MUL1: variants seen among roughly 807,000 people sequenced by gnomAD.
MUL1 encodes the protein mitochondrial ubiquitin ligase activator of NFKB 1.
A neutral mutation model predicts 34.1 loss-of-function variants in MUL1; 30 were observed. The ratio of observed to expected loss-of-function variants is 0.88; its 90% CI spans 0.66 to 1.19. The LOEUF (loss-of-function observed/expected upper bound fraction) is 1.19. MUL1 is among the 50% of genes most tolerant of loss of function. The pLI is 0.00. For synonymous variants in MUL1, 191 were observed against 187.8 expected (o/e 1.02, Z -0.14); for missense variants, 419 against 450.5 (o/e 0.93, Z 0.63).
intron 1 of MUL1, 90 bp from the exon 2 acceptor site, chr1:20,503,399 T>C (rs572996795): frequency 1.3e-6 from 1 of 743,162 alleles, no homozygotes; most frequent in South Asian, 1.9e-5. Flanking sequence ...AAAGATTCTA[T>C]TTTTTTCGTG....
rs138851946 is a variant in MUL1 at position 20,500,792 on chromosome 1, G to A, written c.957C>T (p.His319=). 2.1e-5 allele frequency: 34 copies of A among 1,614,138 alleles called. No homozygotes were observed. In the African/African-American group the frequency reaches 3.5e-4, roughly 16 times the overall value. Residue 319 remains histidine, a synonymous_variant, in exon 4 of 4, where the codon CAC becomes CAT. Transcript: ENST00000264198. ...GGTAGCACTCGGTGCAGGAACAAACGTGCCCACACTCCAGAAAGACGCAGG... is the reference window on the plus strand; with the variant it reads ...GGTAGCACTCGGTGCAGGAACAAACATGCCCACACTCCAGAAAGACGCAGG... ...FKSCVFLECG[H]VCSCTECYRA...
chr1:20,503,404 T>C (rs2051684088), intron 1 of MUL1, 95 bp from the exon 2 acceptor site: 3 of 723,148 alleles, frequency 4.1e-6, no homozygotes, highest in Non-Finnish European at 6.7e-6. Flanking sequence ...TTCTATTTTT[T>C]TCGTGTCAAG....
At position 20,507,769 on chromosome 1, in the gene MUL1, G is replaced by T. The variant is rs1451519680; in HGVS notation, c.120+136C>A. 3.1e-6 allele frequency: 4 copies of T among 1,285,530 alleles called. No homozygotes were observed. The African/African-American group carries it at 4.5e-5, about 14-fold the overall frequency. 79.6% of individuals were successfully genotyped at this position (1,285,530 alleles called of 1,614,324 possible). A position where few individuals can be genotyped will look rare whatever the true frequency, so the allele number is the denominator to read the frequency against. ...CTGCCCCTCGCTCCTCCATCTACTG[G>T]CTGGATGACACCCTTCAGAGGCTGT... On this transcript the variant is annotated intron_variant, in intron 1 of 3. Transcript: ENST00000264198.
Position 20,500,932 on chromosome 1 carries a change from T to C in MUL1, c.817A>G (p.Lys273Glu). ...YLQRQERLRL[K>E]QMQEEFQEHE... ...TCCTGGAACTCCTCCTGCATCTGCT[T>C]GAGGCGCAGGCGCTCCTGCCGCTGC... The change falls in exon 4 of 4, where the codon AAG (lysine) becomes GAG (glutamate). Residue 273 changes from lysine to glutamate, a missense_variant. Lys to Glu is a moderately conservative substitution (Grantham distance 56). Coordinates refer to ENST00000264198, the MANE Select transcript of MUL1 (RefSeq NM_024544.3). 2 of 1,614,070 alleles carry C rather than the reference T, an allele frequency of 1.2e-6. No individual in the cohort carries two copies. The highest frequency in any genetic ancestry group is 4.5e-5 in the East Asian group (2 of 44,870).
chr1:20,508,045 G>A lies in MUL1; in HGVS notation c.-21C>T, dbSNP rs200370416. 1.8e-5 allele frequency: 28 copies of A among 1,574,260 alleles called. No homozygotes were observed. The East Asian group carries it at 6.4e-4, about 36-fold the overall frequency. The stretch of plus-strand genomic sequence containing the variant: ...TCCATGACGGCGGCGAGCCCCGGTG[G>A]CCGACTGTGGCGCCAAGGATAGGCC... On this transcript the variant is annotated 5_prime_UTR_variant, in exon 1 of 4. Transcript: ENST00000264198.
chr1:20,504,733 G>A (rs1352563293), intron 1 of MUL1, among the ~76,000 whole-genome samples: 2 of 152,202 alleles, frequency 1.3e-5, no homozygotes, highest in African/African-American at 4.8e-5. Context: ...GGAGAACTGT[G>A]CCTGACACAC....
At position 20,501,198 on chromosome 1, in the gene MUL1, TC is replaced by T. The variant is rs2051655866; in HGVS notation, c.550del (p.Glu184ArgfsTer6). On this transcript the variant is annotated frameshift_variant, in exon 4 of 4. Coordinates refer to ENST00000264198, the MANE Select transcript of MUL1 (RefSeq NM_024544.3). LOFTEE classifies it high-confidence loss of function. The surrounding 1 kb of genome is among the most constrained non-coding windows in gnomAD (Gnocchi z 4.2). Reference sequence around the variant, plus strand: ...CCCCACCTTCAGCATCTCCTCGGTCTCTTGGATGCCTTTGGGCCGCTCACCG... The same window carrying T: ...CCCCACCTTCAGCATCTCCTCGGTCTTTGGATGCCTTTGGGCCGCTCACCG... Reference protein sequence around the residue: ...ISGERPKGIQETEEMLKVGAT... With the variant: ...ISGERPKGIQXTEEMLKVGAT... 6.2e-7 allele frequency: 1 copy of T among 1,613,942 alleles called. No individual in the cohort carries two copies. The highest frequency in any genetic ancestry group is 8.5e-7 in the Non-Finnish European group (1 of 1,179,924).
chr1:20,506,582 G>T (rs1222069060), intron 1 of MUL1, among the ~76,000 whole-genome samples: 1 of 152,198 alleles, frequency 6.6e-6, no homozygotes, highest in African/African-American at 2.4e-5. Context: ...AGGCGCAGTG[G>T]CTCACGCCTG....
At position 20,500,724 on chromosome 1, in the gene MUL1, G is replaced by A. The variant is rs558469333; in HGVS notation, c.1025C>T (p.Ala342Val). The change falls in exon 4 of 4, where the codon GCG becomes GTG. Residue 342 changes from alanine (A) to valine (V), a missense_variant. Ala to Val is a moderately conservative substitution (Grantham distance 64). Transcript: ENST00000264198. ...GTACAGGGGTATCACCCGGGTGATC[G>A]CCTGTCTGCAGATAGGGCACTTCTT... is the stretch of plus-strand genomic sequence containing the variant. Reference protein sequence around the residue: ...EPKKCPICRQAITRVIPLYNS With the variant: ...EPKKCPICRQVITRVIPLYNS The A allele has an allele frequency of 1.3e-5, 21 of 1,599,780 alleles. 1 individual carries two copies. In the East Asian group the frequency reaches 2.9e-4, roughly 22 times the overall value.
chr1:20,504,348 T>C (rs1163878679), intron 1 of MUL1, among the ~76,000 whole-genome samples: 1 of 152,152 alleles, frequency 6.6e-6, no homozygotes, highest in Non-Finnish European at 1.5e-5. Flanking sequence ...AGGAATAAAA[T>C]CAACAATCAT....
Position 20,500,519 on chromosome 1 carries a change from G to T in MUL1, c.*171C>A. 1.2e-6 allele frequency: 1 copy of T among 829,798 alleles called. No individual in the cohort carries two copies. The highest frequency in any genetic ancestry group is 1.8e-6 in the Non-Finnish European group (1 of 550,582). The allele number at this position is 829,798 out of a possible 1,614,324, so 51.4% of individuals were successfully genotyped here. On this transcript the variant is annotated 3_prime_UTR_variant, in exon 4 of 4. Transcript: ENST00000264198. ...GGTCCCCTCTCAGGTGGGAAAGGCA[G>T]CATCCTGCCATTGGAGGCATGGGTC... is the stretch of plus-strand genomic sequence containing the variant.
rs1307703362 is a variant in MUL1 at position 20,507,114 on chromosome 1, G to A, written c.120+791C>T. ...CGTGGTAATCCCAGCTACTCGGGAGGCTGAAGCAGGAGAATCACTTGAACC... is the reference window on the plus strand; with the variant it reads ...CGTGGTAATCCCAGCTACTCGGGAGACTGAAGCAGGAGAATCACTTGAACC... On this transcript the variant is annotated intron_variant, in intron 1 of 3. Coordinates refer to ENST00000264198, the MANE Select transcript of MUL1 (RefSeq NM_024544.3). 3.3e-5 allele frequency among the ~76,000 whole-genome samples: 5 copies of A among 151,796 alleles called. No homozygotes were observed. The East Asian group carries it at 9.8e-4, about 30-fold the overall frequency.
chr1:20,504,966 C>T lies in MUL1; in HGVS notation c.121-1657G>A, dbSNP rs111420196. Among the ~76,000 whole-genome samples the T allele has an allele frequency of 2.4e-3, 359 of 152,188 alleles. 2 individuals are homozygous for T. Among genetic ancestry groups the T allele is most frequent in the African/African-American group, 8.0e-3 (334 of 41,522 alleles). ...AGTGAGACAGCTAGTAAAGTATCCA[C>T]CACAGGATGGCCAATTCGAATTTTA... On this transcript the variant is annotated intron_variant, in intron 1 of 3. Coordinates refer to ENST00000264198, the MANE Select transcript of MUL1 (RefSeq NM_024544.3).
At position 20,500,565 on chromosome 1, in the gene MUL1, C is replaced by T; in HGVS notation, c.*125G>A. 7.0e-6 allele frequency: 9 copies of T among 1,289,402 alleles called. No homozygotes were observed. The highest frequency in any genetic ancestry group is 9.5e-6 in the Non-Finnish European group (9 of 946,262). The allele number at this position is 1,289,402 out of a possible 1,614,324, so 79.9% of individuals were successfully genotyped here. On this transcript the variant is annotated 3_prime_UTR_variant, in exon 4 of 4. Coordinates refer to ENST00000264198, the MANE Select transcript of MUL1 (RefSeq NM_024544.3). ...GGGTCTGGAGAGTTTCTACCCAATT[C>T]CTCCCTCAATCATACCTGGAGGTGA...
chr1:20,507,594 G>A (rs1477780296), intron 1 of MUL1, among the ~76,000 whole-genome samples: 1 of 152,218 alleles, frequency 6.6e-6, no homozygotes, highest in Non-Finnish European at 1.5e-5. Context: ...ACGAGGGGAT[G>A]GACTTTCATC....
chr1:20,502,913 C>G (rs541209123), intron 2 of MUL1, among the ~76,000 whole-genome samples: 1 of 152,118 alleles, frequency 6.6e-6, no homozygotes, highest in Non-Finnish European at 1.5e-5. Flanking sequence ...TTCATCAAAA[C>G]AATGACATTC....
chr1:20,505,294 T>C (rs923663487), intron 1 of MUL1, among the ~76,000 whole-genome samples: 11 of 151,756 alleles, frequency 7.2e-5, no homozygotes, highest in Admixed American at 3.3e-4. Flanking sequence ...ATCAAGAAAA[T>C]AGAATCTAGG....
chr1:20,502,963 C>T (rs908424738), intron 2 of MUL1, among the ~76,000 whole-genome samples: 10 of 152,218 alleles, frequency 6.6e-5, no homozygotes, highest in Non-Finnish European at 1.3e-4. Context: ...CTCTCCTAAG[C>T]ACTTTGCATG....
rs2051655371 is a variant in MUL1, at chr1:20,501,159, C to T, written c.590G>A (p.Gly197Glu). ...EMLKVGATLT[G>E]VGELVLDNNS... ...GTTGTCCAGGACCAGTTCGCCAACC[C>T]CTGTGAGGGTGGCCCCCACCTTCAG... is the stretch of plus-strand genomic sequence containing the variant. Residue 197 changes from glycine (G) to glutamate (E), a missense_variant, in exon 4 of 4, where the codon GGG becomes GAG. By Grantham distance (98) the Gly-to-Glu change is moderately conservative. Transcript: ENST00000264198. The surrounding 1 kb of genome is among the most constrained non-coding windows in gnomAD (Gnocchi z 4.2). 1.2e-6 allele frequency: 2 copies of T among 1,614,050 alleles called. No individual in the cohort carries two copies. The highest frequency in any genetic ancestry group is 2.2e-5 in the East Asian group (1 of 44,870).
Sources: allele counts gnomAD v4.1 joint callset (sites outside exome capture counted in the v4.1 genomes callset), GRCh38; gene constraint gnomAD v4.1.1; non-coding constraint Gnocchi (gnomAD v3.1); transcripts MANE v1.5; gene names NCBI Gene and HGNC (gene_info 2026-07-23, HGNC 2026-07-21).